Variants in EFTUD2 observed in about 807,000 individuals in gnomAD.
EFTUD2 encodes elongation factor Tu GTP binding domain containing 2, also known as 116 kDa U5 small nuclear ribonucleoprotein component.
EFTUD2 carries 9 observed loss-of-function variants against 114.3 expected under a neutral mutation model. The observed-to-expected ratio is 0.08, with a 90% confidence interval of 0.05 to 0.14. The LOEUF is 0.14. EFTUD2 is among the 10% of genes least tolerant of loss of function. EFTUD2 has a pLI of 1.00. For synonymous variants in EFTUD2, 449 were observed against 462.3 expected (o/e 0.97, Z 0.37); for missense variants, 765 against 1,241.2 (o/e 0.62, Z 5.76).
intron 17 of EFTUD2, 58 bp from the exon 18 acceptor site, chr17:44,860,103 C>A (rs1375795503): frequency 6.2e-7 from 1 of 1,612,220 alleles, no homozygotes. Context: ...ACAGAAAGTG[C>A]AGAGGTATGA....
chr17:44,876,924 C>T (rs557644833), intron 9 of EFTUD2, among the ~76,000 whole-genome samples: 72 of 148,500 alleles, frequency 4.8e-4, no homozygotes, highest in Non-Finnish European at 7.4e-4. Context: ...TAGGTGCAGT[C>T]ACTCACACCT....
At chr17:44,863,471 A>T (rs1341237743) in intron 15 of EFTUD2, 184 bp downstream of exon 15, 1 of 715,260 alleles carries the variant, frequency 1.4e-6, no homozygotes, top group South Asian at 2.1e-5. Flanking sequence ...AAATGTGAGT[A>T]ATGTTCCCAA....
At chr17:44,863,842 T>G (rs1216199074) in intron 14 of EFTUD2, 60 bp from the exon 15 acceptor site, 11 of 1,594,942 alleles carry the variant, frequency 6.9e-6, no homozygotes, top group Non-Finnish European at 9.4e-6. Flanking sequence ...CGAGCAGGAG[T>G]TACTGAGCCA....
At chr17:44,895,324 T>C (rs2051360282) in intron 1 of EFTUD2, among the ~76,000 whole-genome samples, 2 of 152,106 alleles carry the variant, frequency 1.3e-5, no homozygotes, top group Admixed American at 1.3e-4. Context: ...GGCAAAACGC[T>C]GTCTCTACTA....
intron 18 of EFTUD2, 24 bp downstream of exon 18, chr17:44,859,881 G>A (rs775040735): frequency 1.4e-5 from 23 of 1,613,552 alleles, no homozygotes; most frequent in East Asian, 8.9e-5. Flanking sequence ...GGGGCTTGGC[G>A]GCTGCTGCAG....
intron 6 of EFTUD2, among the ~76,000 whole-genome samples, chr17:44,882,470 GGT>G (rs2051090004): frequency 6.6e-6 from 1 of 152,088 alleles, no homozygotes; most frequent in South Asian, 2.1e-4. Flanking sequence ...TGGCCAGGCT[GGT>G]CTCAAACTCC....
intron 19 of EFTUD2, among the ~76,000 whole-genome samples, chr17:44,858,431 G>C (rs982464735): frequency 4.6e-5 from 7 of 152,090 alleles, no homozygotes; most frequent in African/African-American, 1.7e-4. Context: ...TTGAGACAGG[G>C]TATGACTCCA....
rs551114741 is a variant in EFTUD2 at position 44,852,302 on chromosome 17, C to T, written c.2715+107G>A. 92 of 1,414,540 alleles carry T rather than the reference C, an allele frequency of 6.5e-5. 1 individual carries two copies. The South Asian group carries it at 1.1e-3, about 16-fold the overall frequency. 87.6% of individuals were successfully genotyped at this position (1,414,540 alleles called of 1,614,324 possible). A position where few individuals can be genotyped will look rare whatever the true frequency, so the allele number is the denominator to read the frequency against. On this transcript the variant is annotated intron_variant, in intron 26 of 27. Coordinates refer to ENST00000426333, the MANE Select transcript of EFTUD2 (RefSeq NM_004247.4). Reference sequence around the variant, plus strand: ...TGCTCCCCAGAGGAGGACTCTTCTCCAGGATGCTGTACACCTCACTTAGGG... The same window carrying T: ...TGCTCCCCAGAGGAGGACTCTTCTCTAGGATGCTGTACACCTCACTTAGGG...
In EFTUD2 at chr17:44,876,023, A is replaced by T. The variant is rs1272118618; in HGVS notation, c.780T>A (p.Ile260=). 3 of 1,613,962 alleles carry T rather than the reference A, an allele frequency of 1.9e-6. No individual in the cohort carries two copies. The highest frequency in any genetic ancestry group is 1.7e-5 in the Admixed American group (1 of 59,992). Reference sequence around the variant, plus strand: ...GCTTCAGCTCCAGGATCAGCCGGTCAATCTTGTTGATGCACACAGTGACTG... The same window carrying T: ...GCTTCAGCTCCAGGATCAGCCGGTCTATCTTGTTGATGCACACAGTGACTG... The part of the protein sequence containing the change: ...RLAVTVCINK[I]DRLILELKLP... Residue 260 remains isoleucine (I), a synonymous_variant, in exon 10 of 28, where the codon ATT becomes ATA. Coordinates refer to ENST00000426333, the MANE Select transcript of EFTUD2 (RefSeq NM_004247.4).
intron 11 of EFTUD2, among the ~76,000 whole-genome samples, chr17:44,869,665 C>T (rs932250273): frequency 6.6e-6 from 1 of 152,192 alleles, no homozygotes; most frequent in Non-Finnish European, 1.5e-5. Flanking sequence ...ACTAACACCA[C>T]CTGCCTCTAT....
intron 18 of EFTUD2, chr17:44,859,666 T>C: frequency 1.7e-6 from 1 of 599,556 alleles, no homozygotes; most frequent in South Asian, 2.0e-5. Context: ...CACACAACCT[T>C]GTCCTATACC....
In EFTUD2 at chr17:44,876,048, G is replaced by A. The variant is rs1367265730; in HGVS notation, c.755C>T (p.Ala252Val). Residue 252 changes from alanine to valine, a missense_variant, in exon 10 of 28, where the codon GCA becomes GTA. Ala to Val is a moderately conservative substitution (Grantham distance 64, BLOSUM62 0). Transcript: ENST00000426333. ...LIKHAVQERL[A>V]VTVCINKIDR... ...AATCTTGTTGATGCACACAGTGACT[G>A]CCAGCCTCTCCTGCACCGCATGCTT... The A allele has an allele frequency of 1.9e-6, 3 of 1,613,918 alleles. No individual in the cohort carries two copies. The highest frequency in any genetic ancestry group is 2.7e-5 in the African/African-American group (2 of 74,910).
intron 9 of EFTUD2, among the ~76,000 whole-genome samples, chr17:44,878,400 A>T (rs577812517): frequency 1.3e-5 from 2 of 152,374 alleles, no homozygotes; most frequent in South Asian, 4.1e-4. Flanking sequence ...GCTAAAGAAC[A>T]GCTTCAATTC....
intron 1 of EFTUD2, among the ~76,000 whole-genome samples, chr17:44,898,247 T>A (rs2051431369): frequency 6.6e-6 from 1 of 152,138 alleles, no homozygotes; most frequent in African/African-American, 2.4e-5. Context: ...GACAGAGTTT[T>A]GCTCTTGTTG....
At chr17:44,890,161 G>A (rs1478520530) in intron 2 of EFTUD2, among the ~76,000 whole-genome samples, 1 of 147,878 alleles carries the variant, frequency 6.8e-6, no homozygotes, top group Non-Finnish European at 1.5e-5. Context: ...ATGCCACCAC[G>A]CCCAGCTAAT....
chr17:44,864,394 C>T (rs1264220310), intron 14 of EFTUD2, among the ~76,000 whole-genome samples: 1 of 152,232 alleles, frequency 6.6e-6, no homozygotes, highest in Non-Finnish European at 1.5e-5. Flanking sequence ...CCTCAGCCAT[C>T]ACCCTTTCCA....
chr17:44,884,897 C>A (rs1408760291), intron 4 of EFTUD2, among the ~76,000 whole-genome samples: 2 of 152,048 alleles, frequency 1.3e-5, no homozygotes, highest in Non-Finnish European at 2.9e-5. Flanking sequence ...AAAATAACAA[C>A]AACAAAAACA....
chr17:44,874,124 C>A (rs2050905924), intron 10 of EFTUD2, among the ~76,000 whole-genome samples: 1 of 151,126 alleles, frequency 6.6e-6, no homozygotes, highest in South Asian at 2.1e-4. Flanking sequence ...TCACTATAAC[C>A]CTGAACTCCT....
At chr17:44,869,192 C>G (rs1206311283) in intron 11 of EFTUD2, among the ~76,000 whole-genome samples, 4 of 152,206 alleles carry the variant, frequency 2.6e-5, no homozygotes, top group Non-Finnish European at 4.4e-5. Flanking sequence ...CTGTTAATTA[C>G]CAAATTCTCC....
Sources: allele counts gnomAD v4.1 joint callset (sites outside exome capture counted in the v4.1 genomes callset), GRCh38; gene constraint gnomAD v4.1.1; transcripts MANE v1.5; gene names NCBI Gene and HGNC (gene_info 2026-07-23, HGNC 2026-07-21).